CPSF7: variants seen among roughly 807,000 people sequenced by gnomAD.
CPSF7 encodes the protein cleavage and polyadenylation specificity factor subunit 7.
In CPSF7, 1 loss-of-function variant was observed where a neutral mutation model predicts 44.3. The ratio of observed to expected loss-of-function variants is 0.02; its 90% CI spans 0.01 to 0.11. The LOEUF (loss-of-function observed/expected upper bound fraction) is 0.11. Ranked by LOEUF, CPSF7 falls within the 10% of genes least tolerant of loss-of-function variation. The pLI is 1.00. For missense variants in CPSF7, 443 were observed against 607.2 expected (o/e 0.73, Z 2.84); for synonymous variants, 202 against 222.0 (o/e 0.91, Z 0.80).
Position 61,416,130 on chromosome 11 carries a change from A to G in CPSF7, c.913T>C (p.Ser305Pro). Residue 305 changes from serine to proline, a missense_variant, in exon 6 of 10, where the codon TCT becomes CCT. Coordinates refer to ENST00000439958, the MANE Select transcript of CPSF7 (RefSeq NM_001142565.3). Reference sequence around the variant, plus strand: ...CTGCCATGGTGGTTATAGGGGGCAGAGGCCTTCATGTAAGTATCTGGTGGA... The same window carrying G: ...CTGCCATGGTGGTTATAGGGGGCAGGGGCCTTCATGTAAGTATCTGGTGGA... ...GPPPDTYMKA[S>P]APYNHHGSRD... is the part of the protein sequence containing the mutation. 1 of 1,509,428 alleles carries G rather than the reference A, an allele frequency of 6.6e-7. No homozygotes were observed. Among genetic ancestry groups the G allele is most frequent in the African/African-American group, 1.4e-5 (1 of 71,550 alleles). The allele number at this position is 1,509,428 out of a possible 1,614,324, so 93.5% of individuals were successfully genotyped here.
At chr11:61,419,196 G>C (rs890428208) in intron 5 of CPSF7, among the ~76,000 whole-genome samples, 1 of 151,948 alleles carries the variant, frequency 6.6e-6, no homozygotes, top group African/African-American at 2.4e-5. Context: ...GCTAATTTTT[G>C]TATTCTTAGT....
intron 2 of CPSF7, among the ~76,000 whole-genome samples, chr11:61,428,117 A>T (rs577755025): frequency 6.6e-6 from 1 of 152,356 alleles, no homozygotes; most frequent in South Asian, 2.1e-4. Flanking sequence ...ATTTTGGAAC[A>T]TTCTTGAGAA....
chr11:61,421,018 C>G (rs1471293412), intron 3 of CPSF7: 1 of 1,162,314 alleles, frequency 8.6e-7, no homozygotes, highest in South Asian at 1.3e-5. Flanking sequence ...CCCAAGTATA[C>G]TAGAGTTATC....
intron 2 of CPSF7, among the ~76,000 whole-genome samples, chr11:61,422,105 A>G (rs1350216103): frequency 6.6e-5 from 10 of 152,256 alleles, no homozygotes; most frequent in Admixed American, 6.5e-4. Flanking sequence ...AAAAATGCAG[A>G]AAAGATTGGG....
At position 61,403,662 on chromosome 11, in the gene CPSF7, T is replaced by C. The variant is rs1859071269; in HGVS notation, c.*1048A>G. Reference sequence around the variant, plus strand: ...TTATCCCACAATAAGTAAAAGTATGTACCTGGGGGATGTAAGCCCATGCTT... The same window carrying C: ...TTATCCCACAATAAGTAAAAGTATGCACCTGGGGGATGTAAGCCCATGCTT... On this transcript the variant is annotated 3_prime_UTR_variant, in exon 10 of 10. Transcript: ENST00000439958. 1 of 152,148 alleles carries C rather than the reference T, an allele frequency of 6.6e-6. No homozygotes were observed. Among genetic ancestry groups the C allele is most frequent in the Non-Finnish European group, 1.5e-5 (1 of 68,036 alleles). 9.4% of individuals were successfully genotyped at this position (152,148 alleles called of 1,614,324 possible). A position where few individuals can be genotyped will look rare whatever the true frequency, so the allele number is the denominator to read the frequency against.
chr11:61,404,524 G>A lies in CPSF7; in HGVS notation c.*186C>T, dbSNP rs1343206669. ...TTTCCCCTGGCAAACAGGAGGTGTG[G>A]GATTGGGAGGACTGCCAAGCAGTCT... On this transcript the variant is annotated 3_prime_UTR_variant, in exon 10 of 10. Transcript: ENST00000439958. 1 of 152,548 alleles carries A rather than the reference G, an allele frequency of 6.6e-6. No individual in the cohort carries two copies. The highest frequency in any genetic ancestry group is 2.4e-5 in the African/African-American group (1 of 41,424). 9.4% of individuals were successfully genotyped at this position (152,548 alleles called of 1,614,324 possible).
intron 9 of CPSF7, among the ~76,000 whole-genome samples, chr11:61,409,758 G>A (rs1406544427): frequency 8.6e-5 from 13 of 151,534 alleles, no homozygotes; most frequent in African/African-American, 2.4e-4. Context: ...GGCTGATCAC[G>A]AAGTCAGGAG....
chr11:61,415,994 ATG>A, intron 6 of CPSF7, 109 bp downstream of exon 6: 1 of 1,080,426 alleles, frequency 9.3e-7, no homozygotes. Flanking sequence ...TGATAACAGA[ATG>A]TCTATAAGGG....
intron 5 of CPSF7, among the ~76,000 whole-genome samples, chr11:61,417,412 T>G (rs1435467272): frequency 1.3e-5 from 2 of 152,222 alleles, no homozygotes; most frequent in East Asian, 3.8e-4. Flanking sequence ...GTTAAACTTG[T>G]TCCTTCTCTC....
Position 61,402,790 on chromosome 11 carries a change from C to T in CPSF7, c.*1920G>A, listed in dbSNP as rs747587427. 2.6e-5 allele frequency: 4 copies of T among 152,464 alleles called. No individual in the cohort carries two copies. Among genetic ancestry groups the T allele is most frequent in the Non-Finnish European group, 2.9e-5 (2 of 68,000 alleles). The allele number at this position is 152,464 out of a possible 1,614,324, so 9.4% of individuals were successfully genotyped here. A position where few individuals can be genotyped will look rare whatever the true frequency, so the allele number is the denominator to read the frequency against. ...CCTATCAGAAAGACAAACAAATCACCGACAACAGGGGGACGGGACCTTGGC... is the reference window on the plus strand; with the variant it reads ...CCTATCAGAAAGACAAACAAATCACTGACAACAGGGGGACGGGACCTTGGC... On this transcript the variant is annotated 3_prime_UTR_variant, in exon 10 of 10. Transcript: ENST00000439958.
chr11:61,420,624 C>G (rs1326071541), intron 3 of CPSF7, 51 bp from the exon 4 acceptor site: 1 of 1,409,160 alleles, frequency 7.1e-7, no homozygotes, highest in African/African-American at 1.4e-5. Flanking sequence ...TACACCCCCG[C>G]CCGCCAATGT....
intron 5 of CPSF7, 62 bp from the exon 6 acceptor site, chr11:61,416,581 T>C: frequency 6.5e-7 from 1 of 1,539,642 alleles, no homozygotes; most frequent in Non-Finnish European, 9.0e-7. Flanking sequence ...CAGGACCAGT[T>C]CATCCTTCAG....
chr11:61,424,068 TAAC>T (rs1861138919), intron 2 of CPSF7, among the ~76,000 whole-genome samples: 1 of 152,162 alleles, frequency 6.6e-6, no homozygotes. Flanking sequence ...GGGGGCAACT[TAAC>T]AACAAGAAAT....
At position 61,415,658 on chromosome 11, in the gene CPSF7, T is replaced by C. The variant is rs1851326408; in HGVS notation, c.1057+8A>G. On this transcript the variant is annotated splice_region_variant and intron_variant, in intron 7 of 9. Coordinates refer to ENST00000439958, the MANE Select transcript of CPSF7 (RefSeq NM_001142565.3). The stretch of plus-strand genomic sequence containing the variant: ...AGGAGAAGGCAGCAAAGGTAAGCAC[T>C]GAGTTACCTGCACTGGCTCCAGATA... 1 of 1,572,980 alleles carries C rather than the reference T, an allele frequency of 6.4e-7. No homozygotes were observed. Among genetic ancestry groups the C allele is most frequent in the Non-Finnish European group, 8.8e-7 (1 of 1,142,534 alleles).
At chr11:61,424,100 C>A (rs1223832152) in intron 2 of CPSF7, among the ~76,000 whole-genome samples, 3 of 152,152 alleles carry the variant, frequency 2.0e-5, no homozygotes. Context: ...CAAATAAGCA[C>A]AGGAAGCTTG....
chr11:61,413,822 T>C (rs1391907898), intron 7 of CPSF7, among the ~76,000 whole-genome samples: 1 of 152,026 alleles, frequency 6.6e-6, no homozygotes, highest in Non-Finnish European at 1.5e-5. Context: ...AGGGGTCCAG[T>C]GAAAATGAAG....
At chr11:61,419,639 C>T (rs1860671372) in intron 5 of CPSF7, among the ~76,000 whole-genome samples, 1 of 152,178 alleles carries the variant, frequency 6.6e-6, no homozygotes, top group Admixed American at 6.5e-5. Flanking sequence ...CTTTAAACAT[C>T]ATGTCACTAG....
chr11:61,408,860 T>C (rs865871963), intron 9 of CPSF7, among the ~76,000 whole-genome samples: 5 of 152,188 alleles, frequency 3.3e-5, no homozygotes, highest in Non-Finnish European at 7.3e-5. Flanking sequence ...TATCCCAACC[T>C]TCCTGCTTTC....
intron 4 of CPSF7, 103 bp from the exon 5 acceptor site, chr11:61,420,197 A>G: frequency 3.2e-6 from 3 of 950,226 alleles, no homozygotes; most frequent in Non-Finnish European, 4.7e-6. Flanking sequence ...AGCAAAGGAC[A>G]TCTTGCTAAA....
Sources: allele counts gnomAD v4.1 joint callset (sites outside exome capture counted in the v4.1 genomes callset), GRCh38; gene constraint gnomAD v4.1.1; transcripts MANE v1.5; gene names NCBI Gene and HGNC (gene_info 2026-07-23, HGNC 2026-07-21).